Variants in ARL5A observed in about 807,000 individuals in gnomAD.
The protein encoded by ARL5A is ADP-ribosylation factor-like protein 5A.
A neutral mutation model predicts 25.9 loss-of-function variants in ARL5A; 18 were observed. The ratio of observed to expected loss-of-function variants is 0.69; its 90% CI spans 0.48 to 1.03. The LOEUF (loss-of-function observed/expected upper bound fraction) is 1.03. Ranked by LOEUF, ARL5A falls within the 50% of genes least tolerant of loss-of-function variation. ARL5A has a pLI of 0.00. For synonymous variants in ARL5A, 61 were observed against 67.5 expected (o/e 0.90, Z 0.47); for missense variants, 170 against 211.9 (o/e 0.80, Z 1.23).
chr2:151,822,176 A>C (rs2099832433), intron 1 of ARL5A, among the ~76,000 whole-genome samples: 1 of 151,740 alleles, frequency 6.6e-6, no homozygotes, highest in African/African-American at 2.4e-5. Context: ...GCCTGGCCTA[A>C]TTTTTGTATT....
chr2:151,826,067 G>C (rs555908906), intron 1 of ARL5A, among the ~76,000 whole-genome samples: 1 of 151,870 alleles, frequency 6.6e-6, no homozygotes, highest in Non-Finnish European at 1.5e-5. Flanking sequence ...GGTTGCAGTG[G>C]GCCAAGATCA....
rs2151289573 is a variant in ARL5A, at chr2:151,798,983, T to A, written c.*4293A>T. ...ACAAGGGCTAGACATTGATAAGAAATACTGCATAACTAATCCAAGTGTATC... is the reference window on the plus strand; with the variant it reads ...ACAAGGGCTAGACATTGATAAGAAAAACTGCATAACTAATCCAAGTGTATC... On this transcript the variant is annotated 3_prime_UTR_variant, in exon 6 of 6. Transcript: ENST00000295087. The A allele has an allele frequency of 6.6e-6, 1 of 152,296 alleles. No individual in the cohort carries two copies. The highest frequency in any genetic ancestry group is 2.4e-5 in the African/African-American group (1 of 41,568). 9.4% of individuals were successfully genotyped at this position (152,296 alleles called of 1,614,324 possible). A position where few individuals can be genotyped will look rare whatever the true frequency, so the allele number is the denominator to read the frequency against.
chr2:151,812,798 T>TA (rs1233122416), intron 3 of ARL5A, among the ~76,000 whole-genome samples: 2 of 152,156 alleles, frequency 1.3e-5, no homozygotes, highest in Admixed American at 1.3e-4. Context: ...TCCAGGTAGA[T>TA]ATTATTTATT....
At position 151,828,416 on chromosome 2, in the gene ARL5A, G is replaced by C. The variant is rs1238352448; in HGVS notation, c.-240C>G. On this transcript the variant is annotated 5_prime_UTR_variant, in exon 1 of 6. Coordinates refer to ENST00000295087, the MANE Select transcript of ARL5A (RefSeq NM_012097.4). ...GGCTCGCGGACATCGCCGCCGCGTTGTCTGCGACGAGCCTCGCGGGCCACC... is the reference window on the plus strand; with the variant it reads ...GGCTCGCGGACATCGCCGCCGCGTTCTCTGCGACGAGCCTCGCGGGCCACC... 2.2e-5 allele frequency: 8 copies of C among 371,308 alleles called. No homozygotes were observed. The highest frequency in any genetic ancestry group is 2.9e-5 in the Non-Finnish European group (6 of 210,106). The allele number at this position is 371,308 out of a possible 1,614,324, so 23.0% of individuals were successfully genotyped here. A position where few individuals can be genotyped will look rare whatever the true frequency, so the allele number is the denominator to read the frequency against.
intron 1 of ARL5A, among the ~76,000 whole-genome samples, chr2:151,820,899 T>C (rs941759546): frequency 6.6e-6 from 1 of 152,086 alleles, no homozygotes; most frequent in Non-Finnish European, 1.5e-5. Flanking sequence ...AAAATGGCTA[T>C]GAACAAGAGG....
At chr2:151,814,792 T>C (rs1334928799) in intron 2 of ARL5A, among the ~76,000 whole-genome samples, 1 of 151,942 alleles carries the variant, frequency 6.6e-6, no homozygotes, top group East Asian at 1.9e-4. Context: ...CCCAAGCGGT[T>C]TCTCAAAGTC....
At chr2:151,812,529 A>G in intron 3 of ARL5A, 89 bp from the exon 4 acceptor site, 3 of 779,730 alleles carry the variant, frequency 3.8e-6, no homozygotes, top group South Asian at 2.6e-5. Flanking sequence ...CAGGCTATTA[A>G]TATCAAGAAA....
chr2:151,821,434 T>C (rs1346305165), intron 1 of ARL5A, among the ~76,000 whole-genome samples: 2 of 152,206 alleles, frequency 1.3e-5, no homozygotes. Context: ...AAACCACATG[T>C]AGTCATGTGG....
chr2:151,827,747 G>T (rs1046617446), intron 1 of ARL5A: 1 of 217,580 alleles, frequency 4.6e-6, no homozygotes, highest in African/African-American at 2.3e-5. Flanking sequence ...CATTCCAGAA[G>T]ACCCCAGCAC....
intron 1 of ARL5A, among the ~76,000 whole-genome samples, chr2:151,824,206 TTATTATAAAATA>T (rs1256407640): frequency 1.4e-4 from 21 of 152,232 alleles, no homozygotes; most frequent in African/African-American, 5.1e-4. Context: ...TATTCAACCT[TTATTATAAAATA>T]GGCTTTGGGT....
At chr2:151,823,905 A>C (rs751341639) in intron 1 of ARL5A, among the ~76,000 whole-genome samples, 1 of 152,224 alleles carries the variant, frequency 6.6e-6, no homozygotes, top group Non-Finnish European at 1.5e-5. Context: ...TCATGCTACA[A>C]GCAGAGCCCG....
In ARL5A at chr2:151,800,246, C is replaced by CAAT. The variant is rs2099829227; in HGVS notation, c.*3029_*3030insATT. On this transcript the variant is annotated 3_prime_UTR_variant, in exon 6 of 6. Coordinates refer to ENST00000295087, the MANE Select transcript of ARL5A (RefSeq NM_012097.4). ...GTACTGTATGTGGTTGCTGTAGTGA[C>CAAT]AAGAAATGTAAAGTGCCTATACAAG... 1 of 106,314 alleles carries CAAT rather than the reference C, an allele frequency of 9.4e-6. No individual in the cohort carries two copies. The highest frequency in any genetic ancestry group is 1.8e-5 in the Non-Finnish European group (1 of 56,182). The allele number at this position is 106,314 out of a possible 1,614,324, so 6.6% of individuals were successfully genotyped here. A position where few individuals can be genotyped will look rare whatever the true frequency, so the allele number is the denominator to read the frequency against.
At chr2:151,809,267 T>C (rs1264039846) in intron 4 of ARL5A, among the ~76,000 whole-genome samples, 1 of 152,216 alleles carries the variant, frequency 6.6e-6, no homozygotes, top group Non-Finnish European at 1.5e-5. Context: ...ACACACGGTT[T>C]ATATTATTAT....
rs545146927 is a variant in ARL5A, at chr2:151,801,871, A to C, written c.*1405T>G. 8.5e-4 allele frequency: 130 copies of C among 152,236 alleles called. 1 individual carries two copies. The highest frequency in any genetic ancestry group is 3.1e-3 in the African/African-American group (128 of 41,564). The allele number at this position is 152,236 out of a possible 1,614,324, so 9.4% of individuals were successfully genotyped here. On this transcript the variant is annotated 3_prime_UTR_variant, in exon 6 of 6. Transcript: ENST00000295087. ...GAAAGATACATAAATAGAGTACCCAAGAATATGTTTTAACACATTTAGGAT... is the reference window on the plus strand; with the variant it reads ...GAAAGATACATAAATAGAGTACCCACGAATATGTTTTAACACATTTAGGAT...
At chr2:151,805,841 T>C (rs905085305) in intron 5 of ARL5A, among the ~76,000 whole-genome samples, 5 of 152,220 alleles carry the variant, frequency 3.3e-5, no homozygotes, top group Admixed American at 2.6e-4. Context: ...TGCATGACTA[T>C]ATATACAGAT....
intron 4 of ARL5A, among the ~76,000 whole-genome samples, chr2:151,810,869 TC>T (rs2099830748): frequency 1.3e-5 from 2 of 152,104 alleles, no homozygotes; most frequent in African/African-American, 4.8e-5. Context: ...TTTTTCTTTT[TC>T]CAAAGTCTTC....
At chr2:151,819,023 T>C (rs1255037007) in intron 1 of ARL5A, among the ~76,000 whole-genome samples, 1 of 151,696 alleles carries the variant, frequency 6.6e-6, no homozygotes, top group Non-Finnish European at 1.5e-5. Context: ...CTCTGACCAA[T>C]GAAATACCAG....
intron 1 of ARL5A, among the ~76,000 whole-genome samples, chr2:151,826,899 T>G (rs535480562): frequency 6.6e-6 from 1 of 151,930 alleles, no homozygotes; most frequent in African/African-American, 2.4e-5. Context: ...GATACTGCCC[T>G]TTCTTTCGGT....
chr2:151,807,056 T>TTA, intron 4 of ARL5A, 84 bp from the exon 5 acceptor site: 1 of 1,298,384 alleles, frequency 7.7e-7, no homozygotes, highest in Non-Finnish European at 1.1e-6. Flanking sequence ...TTCACAATCT[T>TTA]AGTAAACAAG....
Sources: allele counts gnomAD v4.1 joint callset (sites outside exome capture counted in the v4.1 genomes callset), GRCh38; gene constraint gnomAD v4.1.1; transcripts MANE v1.5; gene names NCBI Gene and HGNC (gene_info 2026-07-23, HGNC 2026-07-21).